SFMBT2: variants seen among roughly 807,000 people sequenced by gnomAD.
SFMBT2 encodes Scm like with four mbt domains 2.
A neutral mutation model predicts 110.1 loss-of-function variants in SFMBT2; 38 were observed. The ratio of observed to expected loss-of-function variants is 0.35; its 90% confidence interval spans 0.27 to 0.45. SFMBT2 has a LOEUF of 0.45. Among genes scored for constraint, SFMBT2 ranks in the 20% least tolerant of loss-of-function variants. SFMBT2 has a pLI of 1.00. For synonymous variants in SFMBT2, 425 were observed against 425.4 expected, an observed-to-expected ratio of 1.00 and a Z score of 0.01; for missense variants, 1,011 against 1,094.9, an observed-to-expected ratio of 0.92 and a Z score of 1.08.
chr10:7,205,864 G>T lies in SFMBT2; in HGVS notation c.1395C>A (p.Gly465=). 1 of 1,614,130 alleles carries T rather than the reference G, an allele frequency of 6.2e-7. No individual in the cohort carries two copies. Among genetic ancestry groups the T allele is most frequent in the South Asian group, 1.1e-5 (1 of 91,082 alleles). ...AAGGATAAGAATTGGCTTCACACCA[G>T]CCCACTGGGAAGATGTCCATGGATT... ...DVESMDIFPV[G]WCEANSYPLT... Residue 465 remains glycine (G), a synonymous_variant, in exon 12 of 21, where the codon GGC becomes GGA. Coordinates refer to ENST00000397167, the MANE Select transcript of SFMBT2 (RefSeq NM_001387889.1).
At chr10:7,179,930 T>C (rs1226566195) in intron 16 of SFMBT2, among the ~76,000 whole-genome samples, 3 of 152,242 alleles carry the variant, frequency 2.0e-5, no homozygotes, top group African/African-American at 7.2e-5. Flanking sequence ...CGGGCTCCTT[T>C]TCTCTTCCCT....
In SFMBT2 at chr10:7,171,171, C is replaced by T. The variant is rs1837863060; in HGVS notation, c.2416-115G>A. The T allele has an allele frequency of 3.2e-6, 5 of 1,541,986 alleles. No homozygotes were observed. The East Asian group carries it at 6.8e-5, about 21-fold the overall frequency. On this transcript the variant is annotated intron_variant, in intron 19 of 20. Transcript: ENST00000397167. This position sits in a 1 kb window ranked among gnomAD's most constrained non-coding sequence, Gnocchi z 4.9. ...CCGGAAGCCACTGCCTCCCTTTGCT[C>T]CCTCACTGGGCACCTGAAAAAGCTG...
intron 4 of SFMBT2, among the ~76,000 whole-genome samples, chr10:7,299,493 C>T (rs897338877): frequency 4.6e-5 from 7 of 152,186 alleles, no homozygotes; most frequent in African/African-American, 9.6e-5. Flanking sequence ...AGCTCAACAT[C>T]GCTGATCATC....
chr10:7,311,360 A>C (rs1469834012), intron 4 of SFMBT2, among the ~76,000 whole-genome samples: 1 of 152,206 alleles, frequency 6.6e-6, no homozygotes. Context: ...GCTATACTCT[A>C]CTTTGCAAAC....
At chr10:7,385,090 G>A (rs968773131) in intron 1 of SFMBT2, among the ~76,000 whole-genome samples, 3 of 152,170 alleles carry the variant, frequency 2.0e-5, no homozygotes, top group South Asian at 2.1e-4. Flanking sequence ...TGCAGGGAGC[G>A]AGCACTGAGG....
intron 4 of SFMBT2, among the ~76,000 whole-genome samples, chr10:7,344,763 G>A (rs1019402983): frequency 6.6e-5 from 10 of 151,872 alleles, no homozygotes; most frequent in African/African-American, 1.2e-4. Flanking sequence ...TCAGGAGATC[G>A]AGACCACAGT....
At chr10:7,324,828 A>C (rs1279532880) in intron 4 of SFMBT2, among the ~76,000 whole-genome samples, 1 of 152,134 alleles carries the variant, frequency 6.6e-6, no homozygotes, top group African/African-American at 2.4e-5. Context: ...TTGTGTGCTC[A>C]GGCAGAGAAG....
At chr10:7,392,060 T>C (rs1845783061) in intron 1 of SFMBT2, among the ~76,000 whole-genome samples, 1 of 152,174 alleles carries the variant, frequency 6.6e-6, no homozygotes, top group Non-Finnish European at 1.5e-5. Context: ...CTCCTTAATG[T>C]AGAATCCCAG....
chr10:7,369,460 A>G (rs190435677), intron 3 of SFMBT2, among the ~76,000 whole-genome samples: 15 of 152,258 alleles, frequency 9.9e-5, no homozygotes, highest in Admixed American at 2.6e-4. Flanking sequence ...CAAAGCGAAA[A>G]CCTGATAAAA....
intron 7 of SFMBT2, among the ~76,000 whole-genome samples, chr10:7,257,732 G>A (rs1841073171): frequency 1.3e-5 from 2 of 152,158 alleles, no homozygotes; most frequent in Admixed American, 6.5e-5. Context: ...TCACTATGTG[G>A]CTATCACAGA....
At chr10:7,258,430 A>G (rs1306291660) in intron 7 of SFMBT2, among the ~76,000 whole-genome samples, 1 of 152,194 alleles carries the variant, frequency 6.6e-6, no homozygotes, top group East Asian at 1.9e-4. Context: ...CTTTTAGTGT[A>G]TTGTACTTAC....
chr10:7,227,046 GCACA>G lies in SFMBT2; in HGVS notation c.1203+805_1203+808del, dbSNP rs141587807. On this transcript the variant is annotated intron_variant, in intron 10 of 20. Coordinates refer to ENST00000397167, the MANE Select transcript of SFMBT2 (RefSeq NM_001387889.1). ...AATAACTCTGTAAGTACACGCATGT[GCACA>G]CACACACACACTCATTGCCACTTTA... 6.6e-5 allele frequency among the ~76,000 whole-genome samples: 10 copies of G among 151,758 alleles called. 1 individual carries two copies. In the Middle Eastern group the frequency reaches 0.017, roughly 258 times the overall value.
intron 4 of SFMBT2, among the ~76,000 whole-genome samples, chr10:7,304,659 G>A (rs1057279475): frequency 2.0e-5 from 3 of 152,162 alleles, no homozygotes; most frequent in Non-Finnish European, 2.9e-5. Flanking sequence ...TACTGAATAC[G>A]ATTTAACTAT....
chr10:7,359,225 G>A (rs999795903), intron 4 of SFMBT2, among the ~76,000 whole-genome samples: 28 of 152,206 alleles, frequency 1.8e-4, no homozygotes, highest in African/African-American at 6.3e-4. Context: ...CATTCAGGAC[G>A]TTCAAAGGTC....
chr10:7,222,674 CT>C (rs1288314711), intron 10 of SFMBT2, among the ~76,000 whole-genome samples: 399 of 144,484 alleles, frequency 2.8e-3, no homozygotes, highest in Non-Finnish European at 2.7e-3. Flanking sequence ...TCCCCATCTT[CT>C]TTTTTTTTTT....
At chr10:7,356,354 G>C (rs1844512163) in intron 4 of SFMBT2, among the ~76,000 whole-genome samples, 1 of 152,152 alleles carries the variant, frequency 6.6e-6, no homozygotes, top group African/African-American at 2.4e-5. Context: ...TTTCAAAGGA[G>C]TTCAAGGCAA....
In SFMBT2 at chr10:7,260,201, G is replaced by C. The variant is rs565736729; in HGVS notation, c.871-11552C>G. ...ACAAGCAGACCAGTCACCTGAAATGGTACTGGTCCCCAAGGAAGCCTTTAT... is the reference window on the plus strand; with the variant it reads ...ACAAGCAGACCAGTCACCTGAAATGCTACTGGTCCCCAAGGAAGCCTTTAT... On this transcript the variant is annotated intron_variant, in intron 7 of 20. Coordinates refer to ENST00000397167, the MANE Select transcript of SFMBT2 (RefSeq NM_001387889.1). 2.6e-5 allele frequency among the ~76,000 whole-genome samples: 4 copies of C among 152,252 alleles called. No homozygotes were observed. In the South Asian group the frequency reaches 8.3e-4, roughly 32 times the overall value.
intron 11 of SFMBT2, chr10:7,206,149 A>C: frequency 1.0e-6 from 1 of 985,458 alleles, no homozygotes. Context: ...GGCAGGAATA[A>C]AAGGGGTTCA....
At position 7,171,992 on chromosome 10, in the gene SFMBT2, G is replaced by A; in HGVS notation, c.2318C>T (p.Pro773Leu). 1 of 1,552,742 alleles carries A rather than the reference G, an allele frequency of 6.4e-7. No homozygotes were observed. Among genetic ancestry groups the A allele is most frequent in the East Asian group, 2.4e-5 (1 of 41,800 alleles). ...LRSGSEPVRR[P>L]PPERTRRGRG... is the part of the protein sequence containing the mutation. ...GCCCCTTCGTGTCCTCTCTGGGGGT[G>A]GCCGGCGCACGGGCTCTGAGCCGCT... The change falls in exon 19 of 21, where the codon CCA becomes CTA. Residue 773 changes from proline (P) to leucine (L), a missense_variant. By Grantham distance (98) the Pro-to-Leu change is moderately conservative. Coordinates refer to ENST00000397167, the MANE Select transcript of SFMBT2 (RefSeq NM_001387889.1). This position sits in a 1 kb window ranked among gnomAD's most constrained non-coding sequence, Gnocchi z 4.9.
Sources: allele counts gnomAD v4.1 joint callset (sites outside exome capture counted in the v4.1 genomes callset), GRCh38; gene constraint gnomAD v4.1.1; non-coding constraint Gnocchi (gnomAD v3.1); transcripts MANE v1.5; gene names NCBI Gene and HGNC (gene_info 2026-07-23, HGNC 2026-07-21).